The following MRPL34 variants were observed in gnomAD, a reference collection of about 807,000 sequenced individuals.
MRPL34 encodes large ribosomal subunit protein bL34m.
MRPL34 carries 8 observed loss-of-function variants against 6.7 expected under a neutral mutation model. That is an observed-to-expected ratio of 1.20 (90% CI 0.70 to 2.16). The LOEUF is 2.16. Ranked by LOEUF, MRPL34 falls within the 30% of genes most tolerant of loss-of-function variation. The probability of loss-of-function intolerance (pLI) is 0.00; values close to 1 mark genes in which losing one functional copy is unlikely to be tolerated. For missense variants in MRPL34, 146 were observed against 125.5 expected, an observed-to-expected ratio of 1.16 and a Z score of -0.78; for synonymous variants, 59 against 55.1, an observed-to-expected ratio of 1.07 and a Z score of -0.31.
upstream of MRPL34, chr19:17,302,843 C>T (rs1360345260): frequency 2.0e-5 from 3 of 152,342 alleles, no homozygotes; most frequent in East Asian, 5.8e-4. Flanking sequence ...GGGGGATACC[C>T]GAGCAGTGCA....
At chr19:17,300,669 G>T (rs188278819), upstream of MRPL34, among the ~76,000 whole-genome samples, 581 of 152,234 alleles carry the variant, frequency 3.8e-3, 2 homozygotes, top group Admixed American at 6.7e-3. Flanking sequence ...GTAGAGACGG[G>T]GTTTCACCAC....
upstream of MRPL34, among the ~76,000 whole-genome samples, chr19:17,300,520 C>CA (rs2074112544): frequency 6.6e-6 from 1 of 152,082 alleles, no homozygotes; most frequent in African/African-American, 2.4e-5. Flanking sequence ...CTCTGTCGCC[C>CA]AGGCTGGAGT....
At chr19:17,298,603 T>C (rs1296990000), upstream of MRPL34, among the ~76,000 whole-genome samples, 8 of 152,088 alleles carry the variant, frequency 5.3e-5, no homozygotes, top group Non-Finnish European at 1.2e-4. Context: ...TTTTTGACTG[T>C]CATGATCAAC....
chr19:17,306,020 C>A, intron 1 of MRPL34, 63 bp downstream of exon 1: 1 of 1,590,228 alleles, frequency 6.3e-7, no homozygotes, highest in African/African-American at 1.3e-5. Context: ...AGGCTGGCGC[C>A]ACTCTTCACT....
At chr19:17,299,294 G>C (rs977113449), upstream of MRPL34, among the ~76,000 whole-genome samples, 1 of 149,134 alleles carries the variant, frequency 6.7e-6, no homozygotes, top group Non-Finnish European at 1.5e-5. Flanking sequence ...TGGTGCGTTG[G>C]CTCACGCCTG....
intron 1 of MRPL34, among the ~76,000 whole-genome samples, chr19:17,295,447 C>T (rs1490648322): frequency 6.6e-6 from 1 of 150,658 alleles, no homozygotes; most frequent in Non-Finnish European, 1.5e-5. Flanking sequence ...CATTCTGTTG[C>T]CCAGGTTGGA....
chr19:17,305,161 T>C (rs2074139626), upstream of MRPL34, among the ~76,000 whole-genome samples: 1 of 152,042 alleles, frequency 6.6e-6, no homozygotes, highest in Non-Finnish European at 1.5e-5. Context: ...TGAGCAGGTT[T>C]TACCTGGGGA....
At chr19:17,294,251 GA>G in intron 1 of MRPL34, 1 of 1,585,272 alleles carries the variant, frequency 6.3e-7, no homozygotes, top group South Asian at 1.1e-5. Flanking sequence ...GCACCCTGGG[GA>G]TTTGTAGCTG....
upstream of MRPL34, among the ~76,000 whole-genome samples, chr19:17,300,697 C>G (rs955419695): frequency 2.6e-5 from 4 of 152,156 alleles, no homozygotes; most frequent in East Asian, 7.7e-4. Flanking sequence ...AGACTGTTCC[C>G]GAACTCCCAA....
chr19:17,305,968 A>AG lies in MRPL34; in HGVS notation c.65+16dup. On this transcript the variant is annotated intron_variant, in intron 1 of 1. Coordinates refer to ENST00000252602, the MANE Select transcript of MRPL34 (RefSeq NM_023937.4). ...GTTGCTGGGTGGCAGGTAAGTCCTC[A>AG]GGGGGACCCTTCCCCAAATCAGGGA... is the stretch of plus-strand genomic sequence containing the variant. 6.2e-7 allele frequency: 1 copy of AG among 1,614,000 alleles called. No homozygotes were observed. Among genetic ancestry groups the AG allele is most frequent in the Non-Finnish European group, 8.5e-7 (1 of 1,179,932 alleles).
At chr19:17,300,763 CCA>C, upstream of MRPL34, 1 of 1,457,430 alleles carries the variant, frequency 6.9e-7, no homozygotes, top group Non-Finnish European at 9.2e-7. Flanking sequence ...CAGGCGTGAG[CCA>C]CGGGGCTCAG....
At chr19:17,303,412 A>G (rs1181189327), upstream of MRPL34, 1 of 152,258 alleles carries the variant, frequency 6.6e-6, no homozygotes, top group Non-Finnish European at 1.5e-5. Context: ...GGCCGCCGAA[A>G]CAGCCGGCCC....
rs773585426 is a variant in MRPL34 at position 17,305,922 on chromosome 19, C to A, written c.30C>A (p.Gly10=). MAVLAGSLL[G]PTSRSAALLG... Reference sequence around the variant, plus strand: ...CTGTCTTGGCTGGATCCCTGTTGGGCCCCACGAGTAGGTCGGCAGCGTTGC... The same window carrying A: ...CTGTCTTGGCTGGATCCCTGTTGGGACCCACGAGTAGGTCGGCAGCGTTGC... Residue 10 remains glycine (G), a synonymous_variant, in exon 1 of 2, where the codon GGC becomes GGA. Coordinates refer to ENST00000252602, the MANE Select transcript of MRPL34 (RefSeq NM_023937.4). The A allele has an allele frequency of 6.2e-7, 1 of 1,614,100 alleles. No homozygotes were observed.
chr19:17,301,995 T>C (rs904783959), upstream of MRPL34, among the ~76,000 whole-genome samples: 2 of 152,122 alleles, frequency 1.3e-5, no homozygotes, highest in Admixed American at 1.3e-4. Context: ...GGTTTCACCA[T>C]GTTGGCCAGG....
At chr19:17,302,468 A>G (rs1204114804), upstream of MRPL34, among the ~76,000 whole-genome samples, 1 of 152,136 alleles carries the variant, frequency 6.6e-6, no homozygotes, top group African/African-American at 2.4e-5. Flanking sequence ...AAAATATGCA[A>G]ATCTTTGGTG....
chr19:17,301,050 G>A (rs1370214359), upstream of MRPL34: 7 of 1,613,374 alleles, frequency 4.3e-6, no homozygotes, highest in East Asian at 2.2e-5. Context: ...CCTTCCAGAT[G>A]GCCAGGGAAC....
chr19:17,304,238 T>A (rs1599527925), upstream of MRPL34, among the ~76,000 whole-genome samples: 1 of 152,222 alleles, frequency 6.6e-6, no homozygotes, highest in Non-Finnish European at 1.5e-5. Flanking sequence ...AGCTCTGTGG[T>A]ACCGGCGGGG....
rs564541700 is a variant in MRPL34 at position 17,306,211 on chromosome 19, C to T, written c.111C>T (p.Gly37=). The T allele has an allele frequency of 7.7e-6, 12 of 1,557,606 alleles. No individual in the cohort carries two copies. Among genetic ancestry groups the T allele is most frequent in the African/African-American group, 1.4e-5 (1 of 73,502 alleles). The change falls in exon 2 of 2, where the codon GGC becomes GGT. Residue 37 remains glycine (G), a synonymous_variant. Coordinates refer to ENST00000252602, the MANE Select transcript of MRPL34 (RefSeq NM_023937.4). ...RAWLGFPDAW[G]LPTPQQARGK... ...GGCTGGGGTTCCCAGACGCCTGGGGCCTCCCCACCCCGCAGCAGGCCCGGG... is the reference window on the plus strand; with the variant it reads ...GGCTGGGGTTCCCAGACGCCTGGGGTCTCCCCACCCCGCAGCAGGCCCGGG...
exon 1 of MRPL34, chr19:17,292,665 T>A (rs1362001772): frequency 6.2e-7 from 1 of 1,609,796 alleles, no homozygotes; most frequent in Non-Finnish European, 8.5e-7. Context: ...CAGCGGCTAC[T>A]TCTTGTCTTC....
Sources: gnomAD v4.1 joint callset for allele counts (sites outside exome capture counted in the v4.1 genomes callset) on GRCh38, gnomAD v4.1.1 for gene constraint, MANE v1.5 for transcripts, NCBI Gene and HGNC (gene_info 2026-07-23, HGNC 2026-07-21) for gene names.